The following RAB27B variants were observed in gnomAD, a reference collection of about 807,000 sequenced individuals.
The protein encoded by RAB27B is ras-related protein Rab-27B.
RAB27B carries 15 observed loss-of-function variants against 24.6 expected under a neutral mutation model. The observed-to-expected ratio is 0.61, with a 90% CI of 0.41 to 0.94. RAB27B has a LOEUF of 0.94. Among genes scored for constraint, RAB27B ranks in the 40% least tolerant of loss-of-function variants. RAB27B has a pLI of 0.00. For missense variants in RAB27B, 261 were observed against 266.8 expected (o/e 0.98, Z 0.15); for synonymous variants, 105 against 92.5 (o/e 1.14, Z -0.78).
At chr18:54,776,587 T>G (rs1159103819) in intron 2 of RAB27B, among the ~76,000 whole-genome samples, 1 of 152,232 alleles carries the variant, frequency 6.6e-6, no homozygotes, top group Non-Finnish European at 1.5e-5. Flanking sequence ...TAGTGGGTGC[T>G]GCCATGATAC....
rs5825096 is a variant in RAB27B, at chr18:54,847,855, G to GA, written c.-20+19165dup. On this transcript the variant is annotated intron_variant, in intron 1 of 5. Transcript: ENST00000262094. ...GGACTCGTTTAAAAAAAGAAAGAAA[G>GA]AAAAAAAAAACTTCAGCCAAATTAA... Among the ~76,000 whole-genome samples, 46 of 150,828 alleles carry GA rather than the reference G, an allele frequency of 3.0e-4. 1 individual carries two copies. Among genetic ancestry groups the GA allele is most frequent in the African/African-American group, 1.0e-3 (41 of 40,758 alleles).
chr18:54,854,813 A>C (rs535578716), intron 1 of RAB27B, among the ~76,000 whole-genome samples: 1 of 152,282 alleles, frequency 6.6e-6, no homozygotes, highest in South Asian at 2.1e-4. Context: ...TGTTCTCTTG[A>C]ATTTTCCTGA....
chr18:54,819,956 T>G (rs972934770), intron 2 of RAB27B, among the ~76,000 whole-genome samples: 2 of 152,182 alleles, frequency 1.3e-5, no homozygotes, highest in Non-Finnish European at 2.9e-5. Context: ...GAACTCATCA[T>G]TTTTTTGGCT....
chr18:54,829,882 T>A (rs1049404219), intron 1 of RAB27B, among the ~76,000 whole-genome samples: 1 of 152,200 alleles, frequency 6.6e-6, no homozygotes, highest in African/African-American at 2.4e-5. Context: ...GGGTCAGCCA[T>A]CCTTGAAGGC....
At chr18:54,879,560 C>A in intron 3 of RAB27B, 106 bp downstream of exon 3, 1 of 922,902 alleles carries the variant, frequency 1.1e-6, no homozygotes, top group South Asian at 1.4e-5. Context: ...CAACTCTTCT[C>A]CTGGTTTCAA....
At chr18:54,857,823 T>C (rs538994190) in intron 1 of RAB27B, among the ~76,000 whole-genome samples, 1 of 152,202 alleles carries the variant, frequency 6.6e-6, no homozygotes, top group South Asian at 2.1e-4. Flanking sequence ...CAGAAAAAAA[T>C]GTTGCAGCTT....
chr18:54,818,271 G>A (rs1025241926), intron 2 of RAB27B, among the ~76,000 whole-genome samples: 3 of 152,150 alleles, frequency 2.0e-5, no homozygotes, highest in African/African-American at 7.2e-5. Flanking sequence ...CTTAATCTGG[G>A]TTTGAGTTTC....
intron 2 of RAB27B, among the ~76,000 whole-genome samples, chr18:54,781,714 A>G (rs998858507): frequency 6.6e-6 from 1 of 152,204 alleles, no homozygotes; most frequent in African/African-American, 2.4e-5. Context: ...ATAGCATTGC[A>G]TATAACACAT....
upstream of RAB27B, among the ~76,000 whole-genome samples, chr18:54,824,562 C>T (rs1464759667): frequency 6.6e-6 from 1 of 152,148 alleles, no homozygotes; most frequent in Non-Finnish European, 1.5e-5. Flanking sequence ...CGCATCTGCG[C>T]ACTAGTAAGG....
At chr18:54,777,872 CCTT>C (rs1275471854) in intron 2 of RAB27B, among the ~76,000 whole-genome samples, 2 of 151,946 alleles carry the variant, frequency 1.3e-5, no homozygotes, top group African/African-American at 4.8e-5. Flanking sequence ...CCCCCCCACC[CCTT>C]CTTTTTTATT....
chr18:54,774,521 TG>T (rs1598894600), intron 2 of RAB27B, among the ~76,000 whole-genome samples: 2 of 152,254 alleles, frequency 1.3e-5, no homozygotes, highest in African/African-American at 4.8e-5. Flanking sequence ...TCCTGACTAC[TG>T]TTAAGAGAGC....
chr18:54,884,344 T>C lies in RAB27B; in HGVS notation c.251T>C (p.Leu84Pro). Residue 84 changes from leucine to proline, a missense_variant, in exon 4 of 6, where the codon CTC becomes CCC. Transcript: ENST00000262094. ...TGTTTCCTTGGCAGGTTCCGGAGTCTCACCACTGCATTTTTCAGAGACGCC... is the reference window on the plus strand; with the variant it reads ...TGTTTCCTTGGCAGGTTCCGGAGTCCCACCACTGCATTTTTCAGAGACGCC... ...DTAGQERFRS[L>P]TTAFFRDAMG... 1 of 1,611,152 alleles carries C rather than the reference T, an allele frequency of 6.2e-7. No homozygotes were observed. Among genetic ancestry groups the C allele is most frequent in the Non-Finnish European group, 8.5e-7 (1 of 1,177,482 alleles).
At chr18:54,793,325 A>G (rs1039190544) in intron 2 of RAB27B, among the ~76,000 whole-genome samples, 2 of 152,192 alleles carry the variant, frequency 1.3e-5, no homozygotes, top group African/African-American at 4.8e-5. Context: ...ACTTAGGGAA[A>G]AGCCATTTGA....
At chr18:54,719,341 G>A (rs1909288367) in intron 2 of RAB27B, among the ~76,000 whole-genome samples, 1 of 151,942 alleles carries the variant, frequency 6.6e-6, no homozygotes, top group Non-Finnish European at 1.5e-5. Context: ...AAACAAAAGA[G>A]GGGCAGAGGA....
At position 54,888,123 on chromosome 18, in the gene RAB27B, G is replaced by A; in HGVS notation, c.467+5G>A. 6.2e-7 allele frequency: 1 copy of A among 1,612,410 alleles called. No homozygotes were observed. ...GGAACTGGCTGACAAATATGGGTAA[G>A]TCAGTTACACTGAGATGGCATGTGA... On this transcript the variant is annotated splice_donor_5th_base_variant and intron_variant, in intron 5 of 5. Coordinates refer to ENST00000262094, the MANE Select transcript of RAB27B (RefSeq NM_004163.4).
intron 2 of RAB27B, among the ~76,000 whole-genome samples, chr18:54,737,707 G>C (rs1372208572): frequency 6.6e-6 from 1 of 152,120 alleles, no homozygotes; most frequent in Non-Finnish European, 1.5e-5. Flanking sequence ...GTGAACATAG[G>C]AGAAAGGAGA....
intron 2 of RAB27B, among the ~76,000 whole-genome samples, chr18:54,734,489 T>A (rs555669379): frequency 6.6e-6 from 1 of 152,270 alleles, no homozygotes; most frequent in South Asian, 2.1e-4. Flanking sequence ...GTGGTTAATT[T>A]ATTACAATAA....
At chr18:54,759,456 T>C (rs1452002954) in intron 2 of RAB27B, among the ~76,000 whole-genome samples, 24 of 152,152 alleles carry the variant, frequency 1.6e-4, no homozygotes, top group Admixed American at 1.6e-3. Context: ...TGTAGTATGC[T>C]GAAGTGGGAG....
chr18:54,799,614 A>ATTTTTTTTT (rs869256244), intron 2 of RAB27B, among the ~76,000 whole-genome samples: 13 of 67,580 alleles, frequency 1.9e-4, no homozygotes, highest in African/African-American at 7.8e-4. Flanking sequence ...TAATAAAATG[A>ATTTTTTTTT]TTTTTTTTTT....
Sources: gnomAD v4.1 joint callset for allele counts (sites outside exome capture counted in the v4.1 genomes callset) on GRCh38, gnomAD v4.1.1 for gene constraint, MANE v1.5 for transcripts, NCBI Gene and HGNC (gene_info 2026-07-23, HGNC 2026-07-21) for gene names.